Variants in RFX7 observed in about 807,000 individuals in gnomAD.
RFX7 encodes the protein regulatory factor X7, also known as DNA-binding protein RFX7.
Under a neutral mutation model 111.8 loss-of-function variants are expected in RFX7, and 26 were observed. That is an observed-to-expected ratio of 0.23 (90% confidence interval 0.17 to 0.32). The LOEUF (loss-of-function observed/expected upper bound fraction) is 0.32. Among genes scored for constraint, RFX7 ranks in the 10% least tolerant of loss-of-function variants. The pLI is 1.00. For synonymous variants in RFX7, 624 were observed against 624.4 expected (o/e 1.00, Z 0.01); for missense variants, 1,573 against 1,772.9 (o/e 0.89, Z 2.02).
At chr15:56,149,074 C>T (rs1177582321) in intron 3 of RFX7, among the ~76,000 whole-genome samples, 1 of 144,702 alleles carries the variant, frequency 6.9e-6, no homozygotes, top group Non-Finnish European at 1.5e-5. Context: ...CAGAGCGAGA[C>T]TCCGTCTCAA....
intron 2 of RFX7, among the ~76,000 whole-genome samples, chr15:56,187,288 G>C (rs1399645328): frequency 3.3e-5 from 5 of 151,056 alleles, no homozygotes; most frequent in African/African-American, 1.2e-4. Context: ...TCAGCTCACT[G>C]CAACCTCCGC....
At chr15:56,129,416 T>C (rs190063339) in intron 5 of RFX7, among the ~76,000 whole-genome samples, 59 of 151,946 alleles carry the variant, frequency 3.9e-4, no homozygotes, top group African/African-American at 1.4e-3. Context: ...AATAGATGAA[T>C]TTTATAGAAC....
rs1217492826 is a variant in RFX7, at chr15:56,092,240, A to T, written c.*1105T>A. 1 of 152,566 alleles carries T rather than the reference A, an allele frequency of 6.6e-6. No homozygotes were observed. Among genetic ancestry groups the T allele is most frequent in the East Asian group, 1.9e-4 (1 of 5,194 alleles). 9.5% of individuals were successfully genotyped at this position (152,566 alleles called of 1,614,324 possible). On this transcript the variant is annotated 3_prime_UTR_variant, in exon 10 of 10. Transcript: ENST00000559447. ...CCCCTTTGTTTCATCAGAGATATAA[A>T]GATTTGTGGCTTCAGACCTTAGGTG...
In RFX7 at chr15:56,095,141, C is replaced by T; in HGVS notation, c.2587G>A (p.Glu863Lys). The change falls in exon 10 of 10, where the codon GAG (glutamate) becomes AAG (lysine). Residue 863 changes from glutamate to lysine, a missense_variant. This residue lies in a region of RFX7 where 625 missense variants were observed against 632.2 expected (regional missense o/e 0.99). Transcript: ENST00000559447. ...DQLPLQSELK[E>K]FEPSVSQTNE... Reference sequence around the variant, plus strand: ...GTCTGGGAAACAGAAGGCTCAAACTCCTTCAGTTCAGATTGCAGAGGTAAC... The same window carrying T: ...GTCTGGGAAACAGAAGGCTCAAACTTCTTCAGTTCAGATTGCAGAGGTAAC... 6.2e-7 allele frequency: 1 copy of T among 1,613,914 alleles called. No homozygotes were observed. Among genetic ancestry groups the T allele is most frequent in the Non-Finnish European group, 8.5e-7 (1 of 1,179,838 alleles).
At chr15:56,097,197 A>G (rs2041690955) in intron 9 of RFX7, among the ~76,000 whole-genome samples, 1 of 152,226 alleles carries the variant, frequency 6.6e-6, no homozygotes, top group African/African-American at 2.4e-5. Context: ...ATTATTATCA[A>G]TAATAACATA....
chr15:56,240,042 G>A (rs2414469), intron 2 of RFX7, among the ~76,000 whole-genome samples: 1 of 127,772 alleles, frequency 7.8e-6, no homozygotes, highest in African/African-American at 3.0e-5. Context: ...TAAGCTAAAA[G>A]AAGTTTGCAG....
At chr15:56,128,246 C>T (rs1261896349) in intron 5 of RFX7, among the ~76,000 whole-genome samples, 6 of 152,028 alleles carry the variant, frequency 3.9e-5, no homozygotes. Context: ...TATATTAAGG[C>T]CAACACTATC....
intron 2 of RFX7, among the ~76,000 whole-genome samples, chr15:56,231,674 T>G (rs1298203719): frequency 6.6e-6 from 1 of 152,164 alleles, no homozygotes; most frequent in Non-Finnish European, 1.5e-5. Context: ...AAACCAATCA[T>G]GCCTTCCCAA....
At chr15:56,110,317 T>TG (rs1213897198) in intron 5 of RFX7, among the ~76,000 whole-genome samples, 5,569 of 9,016 alleles carry the variant, frequency 0.62, 2,048 homozygotes, top group Non-Finnish European at 0.74. Context: ...GGGAGGGAGG[T>TG]GGGGGGGGGG....
intron 5 of RFX7, among the ~76,000 whole-genome samples, chr15:56,112,379 CAAAAAAAAAAA>C (rs71110374): frequency 4.2e-5 from 3 of 71,768 alleles, no homozygotes; most frequent in African/African-American, 1.7e-4. Flanking sequence ...GAGTACAAAT[CAAAAAAAAAAA>C]AAAAAAAAAA....
intron 2 of RFX7, 83 bp downstream of exon 2, chr15:56,243,042 T>TCCCCCCCCCCC: frequency 1.8e-6 from 1 of 543,098 alleles, no homozygotes; most frequent in South Asian, 1.5e-5. Flanking sequence ...CCTCCTCCGC[T>TCCCCCCCCCCC]CCCCCCGCCC....
In RFX7 at chr15:56,214,631, C is replaced by T. The variant is rs529734365; in HGVS notation, c.161+28494G>A. 4.1e-3 allele frequency among the ~76,000 whole-genome samples: 613 copies of T among 149,986 alleles called. 2 individuals are homozygous for T. Among genetic ancestry groups the T allele is most frequent in the Non-Finnish European group, 7.2e-3 (486 of 67,744 alleles). ...TTGGGAGGCTGAGGCCAGAGAATGG[C>T]GTGAACCCGGGAGGAGGAGCTTGCA... On this transcript the variant is annotated intron_variant, in intron 2 of 9. Transcript: ENST00000559447.
At chr15:56,172,482 A>T (rs2042855851) in intron 3 of RFX7, among the ~76,000 whole-genome samples, 1 of 152,184 alleles carries the variant, frequency 6.6e-6, no homozygotes, top group Non-Finnish European at 1.5e-5. Context: ...CATAACATGA[A>T]TTCTGAGATA....
At chr15:56,239,648 G>C (rs942572490) in intron 2 of RFX7, among the ~76,000 whole-genome samples, 7 of 152,204 alleles carry the variant, frequency 4.6e-5, no homozygotes, top group African/African-American at 1.4e-4. Context: ...AAAAACGTTT[G>C]GGATTTTGGA....
At chr15:56,101,780 T>C (rs2041756697) in intron 7 of RFX7, among the ~76,000 whole-genome samples, 1 of 152,164 alleles carries the variant, frequency 6.6e-6, no homozygotes, top group Non-Finnish European at 1.5e-5. Context: ...GAATATAACA[T>C]TTTAAATGGT....
intron 2 of RFX7, among the ~76,000 whole-genome samples, chr15:56,196,900 T>C (rs1315424800): frequency 2.0e-5 from 3 of 152,140 alleles, no homozygotes; most frequent in Non-Finnish European, 4.4e-5. Flanking sequence ...TGCAGGACTT[T>C]TTCTTGGACA....
At chr15:56,154,778 A>G (rs1315669118) in intron 3 of RFX7, among the ~76,000 whole-genome samples, 1 of 152,242 alleles carries the variant, frequency 6.6e-6, no homozygotes, top group South Asian at 2.1e-4. Flanking sequence ...AGAATTGACA[A>G]GTGAGATATA....
chr15:56,110,269 G>C (rs1595931805), intron 5 of RFX7, among the ~76,000 whole-genome samples: 1 of 84,086 alleles, frequency 1.2e-5, no homozygotes. Context: ...AGGGAGGTGG[G>C]GGGGGGTCAG....
chr15:56,236,311 T>C (rs1347265207), intron 2 of RFX7, among the ~76,000 whole-genome samples: 1 of 152,228 alleles, frequency 6.6e-6, no homozygotes, highest in Non-Finnish European at 1.5e-5. Flanking sequence ...CTTAATCTCA[T>C]AGTCAGCAAG....
Sources: allele counts gnomAD v4.1 joint callset (sites outside exome capture counted in the v4.1 genomes callset), GRCh38; gene constraint gnomAD v4.1.1; regional missense constraint gnomAD v4.1.1; transcripts MANE v1.5; gene names NCBI Gene and HGNC (gene_info 2026-07-23, HGNC 2026-07-21).